The following SYT11 variants were observed in gnomAD, a reference collection of about 807,000 sequenced individuals.
SYT11 encodes the protein synaptotagmin-11.
In SYT11, 12 loss-of-function variants were observed where a neutral mutation model predicts 30.4. That is an observed-to-expected ratio of 0.39 (90% CI 0.25 to 0.64). SYT11 has a LOEUF of 0.64. Among genes scored for constraint, SYT11 ranks in the 30% least tolerant of loss-of-function variants. The pLI, the probability that SYT11 is intolerant of heterozygous loss-of-function variation, is 0.45. For synonymous variants in SYT11, 204 were observed against 216.0 expected (o/e 0.94, Z 0.49); for missense variants, 412 against 552.0 (o/e 0.75, Z 2.54).
chr1:155,874,814 C>T (rs1383994072), intron 2 of SYT11, among the ~76,000 whole-genome samples: 2 of 147,782 alleles, frequency 1.4e-5, no homozygotes, highest in African/African-American at 5.0e-5. Context: ...GGCCTGAACC[C>T]GGGAGGCAGA....
chr1:155,860,638 G>T lies in SYT11; in HGVS notation c.34+843G>T, dbSNP rs550915204. On this transcript the variant is annotated intron_variant, in intron 1 of 3. Transcript: ENST00000368324. This position sits in a 1 kb window ranked among gnomAD's most constrained non-coding sequence, Gnocchi z 4.1. ...GGGAGGGGCGAAAGAGGCCCAGCCC[G>T]GGGGAGGCCGCTTTGTGTACCGCAG... 2.5e-4 allele frequency among the ~76,000 whole-genome samples: 38 copies of T among 152,276 alleles called. No individual in the cohort carries two copies. Among genetic ancestry groups the T allele is most frequent in the African/African-American group, 8.7e-4 (36 of 41,556 alleles).
At position 155,881,176 on chromosome 1, in the gene SYT11, C is replaced by T. The variant is rs1373891330; in HGVS notation, c.986-22C>T. On this transcript the variant is annotated intron_variant, in intron 3 of 3. Coordinates refer to ENST00000368324, the MANE Select transcript of SYT11 (RefSeq NM_152280.5). ...GTGTCATAGGTCTGTCTCCCTTTTT[C>T]TTATCTCTTTGGGGGCCCCAGATCC... 34 of 1,592,718 alleles carry T rather than the reference C, an allele frequency of 2.1e-5. No homozygotes were observed. The Admixed American group carries it at 2.3e-4, about 11-fold the overall frequency.
Position 155,881,243 on chromosome 1 carries a change from C to T in SYT11, c.1031C>T (p.Ala344Val), listed in dbSNP as rs1672954878. 1.2e-6 allele frequency: 2 copies of T among 1,614,124 alleles called. No individual in the cohort carries two copies. Among genetic ancestry groups the T allele is most frequent in the South Asian group, 2.2e-5 (2 of 91,066 alleles). Residue 344 changes from alanine (A) to valine (V), a missense_variant, in exon 4 of 4, where the codon GCC (alanine) becomes GTC (valine). Ala to Val is a moderately conservative substitution (Grantham distance 64, BLOSUM62 0). Transcript: ENST00000368324. ...VNVYYGRKRI[A>V]KKKTHVKKCT... ...GTCTACTACGGCAGAAAGCGCATTG[C>T]CAAGAAGAAAACCCATGTGAAGAAG...
At chr1:155,875,614 G>A (rs538729961) in intron 2 of SYT11, among the ~76,000 whole-genome samples, 50 of 152,204 alleles carry the variant, frequency 3.3e-4, no homozygotes, top group Middle Eastern at 3.4e-3. Flanking sequence ...TGTTGGCCAG[G>A]CTGGTTTTGA....
intron 1 of SYT11, among the ~76,000 whole-genome samples, chr1:155,867,520 AG>A (rs1220173297): frequency 2.0e-5 from 3 of 152,186 alleles, no homozygotes; most frequent in African/African-American, 7.2e-5. Context: ...CCTGACAGCG[AG>A]TCAGTCAGTG....
chr1:155,880,458 C>T (rs369210877), intron 2 of SYT11, 42 bp from the exon 3 acceptor site: 3 of 1,609,694 alleles, frequency 1.9e-6, no homozygotes, highest in African/African-American at 2.7e-5. Flanking sequence ...CTCTGCCCTG[C>T]ACCCTCTGCC....
At chr1:155,879,027 A>G (rs529342515) in intron 2 of SYT11, among the ~76,000 whole-genome samples, 1 of 152,234 alleles carries the variant, frequency 6.6e-6, no homozygotes, top group South Asian at 2.1e-4. Context: ...TGACTCTTCT[A>G]CTAAGTGGTA....
At chr1:155,863,898 G>A (rs1165819866) in intron 1 of SYT11, among the ~76,000 whole-genome samples, 1 of 151,284 alleles carries the variant, frequency 6.6e-6, no homozygotes, top group Non-Finnish European at 1.5e-5. Flanking sequence ...TCAAGTCTGG[G>A]CAAAGCAAGA....
intron 2 of SYT11, among the ~76,000 whole-genome samples, chr1:155,873,350 C>T (rs567316437): frequency 2.5e-4 from 38 of 152,166 alleles, no homozygotes; most frequent in African/African-American, 6.0e-4. Context: ...TGCTTGAACC[C>T]GGGAGACAGA....
Position 155,883,535 on chromosome 1 carries a change from A to C in SYT11, c.*2027A>C, listed in dbSNP as rs952395868. On this transcript the variant is annotated 3_prime_UTR_variant, in exon 4 of 4. Coordinates refer to ENST00000368324, the MANE Select transcript of SYT11 (RefSeq NM_152280.5). ...GGTAACAGAGTGAGATCCTGTCTCA[A>C]AAATTAATTAATTAATTAATTAAAA... 7 of 152,142 alleles carry C rather than the reference A, an allele frequency of 4.6e-5. No individual in the cohort carries two copies. The highest frequency in any genetic ancestry group is 1.5e-5 in the Non-Finnish European group (1 of 68,024). 9.4% of individuals were successfully genotyped at this position (152,142 alleles called of 1,614,324 possible). A position where few individuals can be genotyped will look rare whatever the true frequency, so the allele number is the denominator to read the frequency against.
At chr1:155,864,339 G>T (rs1359928776) in intron 1 of SYT11, among the ~76,000 whole-genome samples, 2 of 152,194 alleles carry the variant, frequency 1.3e-5, no homozygotes, top group Non-Finnish European at 2.9e-5. Context: ...TATTGTCACT[G>T]CTATACACAA....
intron 2 of SYT11, among the ~76,000 whole-genome samples, chr1:155,879,343 G>A (rs1672924532): frequency 6.6e-6 from 1 of 152,014 alleles, no homozygotes; most frequent in African/African-American, 2.4e-5. Context: ...CTTGAACCTG[G>A]GAGGCAGAGG....
Position 155,881,379 on chromosome 1 carries a change from G to C in SYT11, c.1167G>C (p.Lys389Asn). ...TTATCGACTTCGATCGCACCACCAA[G>C]AATGAGGTGGTGGGGAGGCTGATCC... ...FLVIDFDRTT[K>N]NEVVGRLILG... Residue 389 changes from lysine to asparagine, a missense_variant, in exon 4 of 4, where the codon AAG becomes AAC. Lys to Asn is a moderately conservative substitution (Grantham distance 94, BLOSUM62 0). Transcript: ENST00000368324. 2 of 1,614,136 alleles carry C rather than the reference G, an allele frequency of 1.2e-6. No homozygotes were observed. Among genetic ancestry groups the C allele is most frequent in the Non-Finnish European group, 8.5e-7 (1 of 1,180,036 alleles).
At chr1:155,877,296 G>T (rs1672880565) in intron 2 of SYT11, among the ~76,000 whole-genome samples, 1 of 151,536 alleles carries the variant, frequency 6.6e-6, no homozygotes, top group South Asian at 2.1e-4. Context: ...TAGAGATGAG[G>T]TTTCACCATG....
rs768344626 is a variant in SYT11, at chr1:155,881,507, A to G, written c.1295A>G (p.Ter432=). The change falls in exon 4 of 4, where the codon TAA becomes TGA. Residue 432 remains the stop codon, a stop_retained_variant. Coordinates refer to ENST00000368324, the MANE Select transcript of SYT11 (RefSeq NM_152280.5). ...VAKWHSLSEY[*] ...AAGTGGCACAGTCTGAGCGAGTACTAATCCTGTTCTTCTCTCCTCTAATCC... is the reference window on the plus strand; with the variant it reads ...AAGTGGCACAGTCTGAGCGAGTACTGATCCTGTTCTTCTCTCCTCTAATCC... 2.5e-6 allele frequency: 4 copies of G among 1,591,820 alleles called. No homozygotes were observed. Among genetic ancestry groups the G allele is most frequent in the Non-Finnish European group, 3.4e-6 (4 of 1,164,438 alleles).
chr1:155,878,112 G>A (rs1313825839), intron 2 of SYT11, among the ~76,000 whole-genome samples: 1 of 151,894 alleles, frequency 6.6e-6, no homozygotes, highest in Non-Finnish European at 1.5e-5. Flanking sequence ...GCATGTTGGT[G>A]CACACCTGTA....
intron 1 of SYT11, 137 bp downstream of exon 1, chr1:155,859,932 G>T (rs1672523915): frequency 4.8e-6 from 4 of 837,860 alleles, no homozygotes; most frequent in African/African-American, 3.3e-5. Context: ...GGCCTGTGGT[G>T]GTGGGTAGTG....
At chr1:155,881,035 AG>A (rs1415684441) in intron 3 of SYT11, among the ~76,000 whole-genome samples, 162 bp from the exon 4 acceptor site, 1 of 152,102 alleles carries the variant, frequency 6.6e-6, no homozygotes, top group Non-Finnish European at 1.5e-5. Flanking sequence ...ACTCACATAT[AG>A]TCAGTGTGTG....
At position 155,884,342 on chromosome 1, in the gene SYT11, T is replaced by C. The variant is rs1673031858; in HGVS notation, c.*2834T>C. On this transcript the variant is annotated 3_prime_UTR_variant, in exon 4 of 4. Coordinates refer to ENST00000368324, the MANE Select transcript of SYT11 (RefSeq NM_152280.5). ...TTATTCCTTGCATCTTTGGGTCTAC[T>C]GAGCAGTGGGTGCTGAGGTGACAGG... 6.5e-6 allele frequency: 1 copy of C among 152,826 alleles called. No individual in the cohort carries two copies. Among genetic ancestry groups the C allele is most frequent in the South Asian group, 2.1e-4 (1 of 4,830 alleles). The allele number at this position is 152,826 out of a possible 1,614,324, so 9.5% of individuals were successfully genotyped here.
Sources: gnomAD v4.1 joint callset for allele counts (sites outside exome capture counted in the v4.1 genomes callset) on GRCh38, gnomAD v4.1.1 for gene constraint, Gnocchi (gnomAD v3.1) non-coding constraint, MANE v1.5 for transcripts, NCBI Gene and HGNC (gene_info 2026-07-23, HGNC 2026-07-21) for gene names.